The following CARD10 variants were observed in gnomAD, a reference collection of about 807,000 sequenced individuals.
CARD10 encodes the protein caspase recruitment domain family member 10, also known as caspase recruitment domain-containing protein 10.
In CARD10, 49 loss-of-function variants were observed where a neutral mutation model predicts 114.6. The ratio of observed to expected loss-of-function variants is 0.43; its 90% CI spans 0.34 to 0.54. The LOEUF is 0.54. Ranked by LOEUF, CARD10 falls within the 20% of genes least tolerant of loss-of-function variation. The probability of loss-of-function intolerance (pLI) is 0.03; values close to 1 mark genes in which losing one functional copy is unlikely to be tolerated. For missense variants in CARD10, 1,206 were observed against 1,397.2 expected, an observed-to-expected ratio of 0.86 and a Z score of 2.18; for synonymous variants, 602 against 593.2, an observed-to-expected ratio of 1.01 and a Z score of -0.21.
intron 4 of CARD10, 86 bp from the exon 5 acceptor site, chr22:37,508,768 C>A: frequency 7.2e-7 from 1 of 1,397,980 alleles, no homozygotes; most frequent in Non-Finnish European, 9.6e-7. Flanking sequence ...CAGCTCTCAG[C>A]CCTCCAAACC....
At position 37,492,411 on chromosome 22, in the gene CARD10, C is replaced by A. The variant is rs751673060; in HGVS notation, c.2751+24G>T. On this transcript the variant is annotated intron_variant, in intron 18 of 19. Coordinates refer to ENST00000251973, the MANE Select transcript of CARD10 (RefSeq NM_014550.4). This position sits in a 1 kb window ranked among gnomAD's most constrained non-coding sequence, Gnocchi z 5.7. ...CGCTCTGGGCCACCTCTGTGAGCAC[C>A]CCAGGCCAGCCCCCAGCACCCACCT... is the stretch of plus-strand genomic sequence containing the variant. The A allele has an allele frequency of 5.3e-6, 8 of 1,509,836 alleles. No individual in the cohort carries two copies. The Admixed American group carries it at 1.5e-4, about 28-fold the overall frequency. 93.5% of individuals were successfully genotyped at this position (1,509,836 alleles called of 1,614,324 possible). A position where few individuals can be genotyped will look rare whatever the true frequency, so the allele number is the denominator to read the frequency against.
rs532450628 is a variant in CARD10 at position 37,504,406 on chromosome 22, G to A, written c.1519-105C>T. 7.8e-5 allele frequency: 83 copies of A among 1,064,500 alleles called. No individual in the cohort carries two copies. The African/African-American group carries it at 1.2e-3, about 16-fold the overall frequency. 65.9% of individuals were successfully genotyped at this position (1,064,500 alleles called of 1,614,324 possible). The stretch of plus-strand genomic sequence containing the variant: ...TTCCACAAATGAGAAGTAGGGCCCA[G>A]AGCAGAAGAGCGGGCTCTGCAAGAT... On this transcript the variant is annotated intron_variant, in intron 8 of 19. Coordinates refer to ENST00000251973, the MANE Select transcript of CARD10 (RefSeq NM_014550.4).
At chr22:37,518,913 G>A in intron 1 of CARD10, 53 bp downstream of exon 1, 2 of 1,469,820 alleles carry the variant, frequency 1.4e-6, no homozygotes, top group South Asian at 2.7e-5. Context: ...TGGGCGCTGC[G>A]CCCCAGGGCA....
In CARD10 at chr22:37,491,337, C is replaced by A; in HGVS notation, c.2921G>T (p.Gly974Val). ...CAGCCCCCAGAGCACCTGCTCTGAG[C>A]CACGGCACTGCCGCAGCAGCTCTGA... ...RDSELLRQCR[G>V]SEQVLWGLPC... Residue 974 changes from glycine to valine, a missense_variant, in exon 20 of 20, where the codon GGC becomes GTC. Coordinates refer to ENST00000251973, the MANE Select transcript of CARD10 (RefSeq NM_014550.4). 2 of 1,548,394 alleles carry A rather than the reference C, an allele frequency of 1.3e-6. No homozygotes were observed. The highest frequency in any genetic ancestry group is 1.2e-5 in the South Asian group (1 of 84,678).
In CARD10 at chr22:37,508,120, A is replaced by G. The variant is rs77355237; in HGVS notation, c.1066-166T>C. Among the ~76,000 whole-genome samples, 1,216 of 152,230 alleles carry G rather than the reference A, an allele frequency of 8.0e-3. 10 individuals are homozygous for G. Among genetic ancestry groups the G allele is most frequent in the African/African-American group, 0.027 (1,129 of 41,530 alleles). ...TGGTCTGAGCCACTGACTTTACCTC[A>G]CAGGCCCTCAACTGCCTAATCTGTA... On this transcript the variant is annotated intron_variant, in intron 5 of 19. Coordinates refer to ENST00000251973, the MANE Select transcript of CARD10 (RefSeq NM_014550.4).
Position 37,503,246 on chromosome 22 carries a change from G to A in CARD10, c.1635-33C>T, listed in dbSNP as rs747490077. 7.5e-6 allele frequency: 12 copies of A among 1,602,564 alleles called. 1 individual carries two copies. In the South Asian group the frequency reaches 1.2e-4, roughly 16 times the overall value. ...GAGAGAGGGCAGGGAGGGGGCAGGA[G>A]GTGAGGCACAGTGGGCACTCTGCCC... On this transcript the variant is annotated intron_variant, in intron 9 of 19. Coordinates refer to ENST00000251973, the MANE Select transcript of CARD10 (RefSeq NM_014550.4).
In CARD10 at chr22:37,504,615, G is replaced by T. The variant is rs542990136; in HGVS notation, c.1518+20C>A. 54 of 1,457,310 alleles carry T rather than the reference G, an allele frequency of 3.7e-5. No individual in the cohort carries two copies. The highest frequency in any genetic ancestry group is 4.8e-5 in the Non-Finnish European group (53 of 1,102,832). 90.3% of individuals were successfully genotyped at this position (1,457,310 alleles called of 1,614,324 possible). A position where few individuals can be genotyped will look rare whatever the true frequency, so the allele number is the denominator to read the frequency against. On this transcript the variant is annotated intron_variant, in intron 8 of 19. Transcript: ENST00000251973. ...CTATAGCAGTGTCCCCCCTTATTTG[G>T]GATGGGGCAGTTGTCTTACCGAGTT...
At position 37,504,284 on chromosome 22, in the gene CARD10, A is replaced by G. The variant is rs1390651632; in HGVS notation, c.1536T>C (p.Ser512=). The change falls in exon 9 of 20, where the codon AGT becomes AGC. Residue 512 remains serine (S), a synonymous_variant. Transcript: ENST00000251973. Reference sequence around the variant, plus strand: ...TGGAGAGCCGATTGATCTCCTTTTCACTGTCTGTGGCTTCCTCCTGCAATG... The same window carrying G: ...TGGAGAGCCGATTGATCTCCTTTTCGCTGTCTGTGGCTTCCTCCTGCAATG... ...EPHNSEEATD[S]EKEINRLSIL... The G allele has an allele frequency of 1.3e-6, 2 of 1,556,506 alleles. No individual in the cohort carries two copies. The highest frequency in any genetic ancestry group is 2.4e-5 in the East Asian group (1 of 42,278).
rs1183274739 is a variant in CARD10 at position 37,514,769 on chromosome 22, G to A, written c.699+1204C>T. 6 of 152,328 alleles carry A rather than the reference G, an allele frequency of 3.9e-5. No homozygotes were observed. In the South Asian group the frequency reaches 1.0e-3, roughly 26 times the overall value. 9.4% of individuals were successfully genotyped at this position (152,328 alleles called of 1,614,324 possible). On this transcript the variant is annotated intron_variant, in intron 3 of 19. Coordinates refer to ENST00000251973, the MANE Select transcript of CARD10 (RefSeq NM_014550.4). ...TGTGCAGCCTCGAGCAACATGGCTG[G>A]AGAGAGCCTCCTGCGTGCCGTGCGG...
intron 15 of CARD10, among the ~76,000 whole-genome samples, chr22:37,495,234 G>A (rs1922954776): frequency 6.6e-6 from 1 of 152,198 alleles, no homozygotes; most frequent in Non-Finnish European, 1.5e-5. Context: ...CCAAAGTGCT[G>A]GGATTACAGG....
Position 37,496,408 on chromosome 22 carries a change from C to G in CARD10, c.2059+41G>C, listed in dbSNP as rs1923004813. The G allele has an allele frequency of 6.9e-7, 1 of 1,449,626 alleles. No homozygotes were observed. The highest frequency in any genetic ancestry group is 2.3e-5 in the East Asian group (1 of 43,956). 89.8% of individuals were successfully genotyped at this position (1,449,626 alleles called of 1,614,324 possible). ...CCCCATGCACCACGGGTTAGAGGAC[C>G]CCTCTGGGGCCAACAGCTCCGACTC... On this transcript the variant is annotated intron_variant, in intron 13 of 19. Coordinates refer to ENST00000251973, the MANE Select transcript of CARD10 (RefSeq NM_014550.4). This position sits in a 1 kb window ranked among gnomAD's most constrained non-coding sequence, Gnocchi z 4.1.
Position 37,519,023 on chromosome 22 carries a change from G to C in CARD10, c.178C>G (p.Gln60Glu). The C allele has an allele frequency of 6.3e-7, 1 of 1,594,234 alleles. No homozygotes were observed. The highest frequency in any genetic ancestry group is 1.1e-5 in the South Asian group (1 of 89,896). ...GTGCTCAGCACCTCCTCCTCGTCCT[G>C]CTCGTCGATGACCCGGCACTGGCGC... is the stretch of plus-strand genomic sequence containing the variant. ...YLRQCRVIDEQDEEEVLSTYR... is the reference protein window; with the variant it reads ...YLRQCRVIDEEDEEEVLSTYR... Residue 60 changes from glutamine (Q) to glutamate (E), a missense_variant, in exon 1 of 20, where the codon CAG (glutamine) becomes GAG (glutamate). This residue lies in a region of CARD10 where 138 missense variants were observed against 218.0 expected (regional missense o/e 0.63). Transcript: ENST00000251973. This position sits in a 1 kb window ranked among gnomAD's most constrained non-coding sequence, Gnocchi z 4.1.
rs1483309781 is a variant in CARD10 at position 37,496,320 on chromosome 22, G to T, written c.2059+129C>A. Reference sequence around the variant, plus strand: ...GACAGAAGGAGGCATCAGCAGGCGGGGAGCCAGGAGAAGGGCAATTGGGGC... The same window carrying T: ...GACAGAAGGAGGCATCAGCAGGCGGTGAGCCAGGAGAAGGGCAATTGGGGC... On this transcript the variant is annotated intron_variant, in intron 13 of 19. Coordinates refer to ENST00000251973, the MANE Select transcript of CARD10 (RefSeq NM_014550.4). The surrounding 1 kb of genome is among the most constrained non-coding windows in gnomAD (Gnocchi z 4.1). The T allele has an allele frequency of 3.0e-6, 2 of 673,872 alleles. No homozygotes were observed. The highest frequency in any genetic ancestry group is 5.0e-6 in the Non-Finnish European group (2 of 397,026). 41.7% of individuals were successfully genotyped at this position (673,872 alleles called of 1,614,324 possible). A position where few individuals can be genotyped will look rare whatever the true frequency, so the allele number is the denominator to read the frequency against.
intron 11 of CARD10, among the ~76,000 whole-genome samples, chr22:37,497,601 C>T (rs1008398467): frequency 2.0e-5 from 3 of 152,170 alleles, no homozygotes; most frequent in African/African-American, 4.8e-5. Flanking sequence ...CGGTGGCTCA[C>T]GCCTGTAATC....
In CARD10 at chr22:37,507,970, G is replaced by A; in HGVS notation, c.1066-16C>T. 6.2e-7 allele frequency: 1 copy of A among 1,613,762 alleles called. No individual in the cohort carries two copies. Among genetic ancestry groups the A allele is most frequent in the Non-Finnish European group, 8.5e-7 (1 of 1,179,972 alleles). The stretch of plus-strand genomic sequence containing the variant: ...CCTGCAGGTACTGAGGGTGGCACGG[G>A]GCGGGGTCAGACCACAGGGCTGGGG... On this transcript the variant is annotated splice_polypyrimidine_tract_variant and intron_variant, in intron 5 of 19. Transcript: ENST00000251973.
rs534355101 is a variant in CARD10, at chr22:37,496,934, T to C, written c.1947+85A>G. On this transcript the variant is annotated intron_variant, in intron 12 of 19. Transcript: ENST00000251973. The surrounding 1 kb of genome is among the most constrained non-coding windows in gnomAD (Gnocchi z 4.1). The stretch of plus-strand genomic sequence containing the variant: ...ACCAATCCCCAGAAGCTCTGCCCGG[T>C]GATCTTGATCCACCAAATTAAGGGA... 268 of 1,439,744 alleles carry C rather than the reference T, an allele frequency of 1.9e-4. 3 individuals carry two copies. In the South Asian group the frequency reaches 3.4e-3, roughly 18 times the overall value. The allele number at this position is 1,439,744 out of a possible 1,614,324, so 89.2% of individuals were successfully genotyped here.
At chr22:37,508,062 A>T in intron 5 of CARD10, 108 bp from the exon 6 acceptor site, 1 of 1,366,808 alleles carries the variant, frequency 7.3e-7, no homozygotes, top group Non-Finnish European at 1.0e-6. Context: ...ACAGTCTGAG[A>T]CCCAATAACA....
rs1022190892 is a variant in CARD10, at chr22:37,491,061, C to G, written c.*98G>C. On this transcript the variant is annotated 3_prime_UTR_variant, in exon 20 of 20. Transcript: ENST00000251973. Reference sequence around the variant, plus strand: ...GCCAAGGGCCCTGCATCTGAGAGTCCAAGGGTCTAGGAAGGCTCAGGGTGG... The same window carrying G: ...GCCAAGGGCCCTGCATCTGAGAGTCGAAGGGTCTAGGAAGGCTCAGGGTGG... The G allele has an allele frequency of 2.0e-6, 2 of 981,448 alleles. No homozygotes were observed. Among genetic ancestry groups the G allele is most frequent in the Non-Finnish European group, 3.0e-6 (2 of 657,054 alleles). The allele number at this position is 981,448 out of a possible 1,614,324, so 60.8% of individuals were successfully genotyped here. A position where few individuals can be genotyped will look rare whatever the true frequency, so the allele number is the denominator to read the frequency against.
At chr22:37,499,189 A>G (rs1488798267) in intron 11 of CARD10, among the ~76,000 whole-genome samples, 1 of 152,136 alleles carries the variant, frequency 6.6e-6, no homozygotes, top group African/African-American at 2.4e-5. Flanking sequence ...CGAGAAGCAC[A>G]GCACGCAGGG....
Sources: allele counts gnomAD v4.1 joint callset (sites outside exome capture counted in the v4.1 genomes callset), GRCh38; gene constraint gnomAD v4.1.1; regional missense constraint gnomAD v4.1.1; non-coding constraint Gnocchi (gnomAD v3.1); transcripts MANE v1.5; gene names NCBI Gene and HGNC (gene_info 2026-07-23, HGNC 2026-07-21).